Variants in DNAH14 observed in about 807,000 individuals in gnomAD.
The protein encoded by DNAH14 is axonemal beta dynein heavy chain 14.
A neutral mutation model predicts 520.9 loss-of-function variants in DNAH14; 478 were observed. The observed-to-expected ratio is 0.92, with a 90% CI of 0.85 to 0.99. The LOEUF is 0.99. Among genes scored for constraint, DNAH14 ranks in the 50% least tolerant of loss-of-function variants. DNAH14 has a pLI of 0.00. For synonymous variants in DNAH14, 1,581 were observed against 1,757.2 expected (o/e 0.90, Z 2.51); for missense variants, 4,831 against 5,234.5 (o/e 0.92, Z 2.38).
chr1:224,987,002 A>G (rs1030666892), intron 8 of DNAH14, among the ~76,000 whole-genome samples: 8 of 152,228 alleles, frequency 5.3e-5, no homozygotes, highest in African/African-American at 1.9e-4. Flanking sequence ...CAAAATGAAC[A>G]TACAAAAATC....
intron 34 of DNAH14, among the ~76,000 whole-genome samples, chr1:225,157,804 T>C (rs1264427326): frequency 1.3e-5 from 2 of 152,176 alleles, no homozygotes; most frequent in African/African-American, 4.8e-5. Context: ...ACTCTTGCCC[T>C]CTCTTTGCCA....
intron 1 of DNAH14, among the ~76,000 whole-genome samples, chr1:224,935,641 A>G (rs2058983034): frequency 6.6e-6 from 1 of 151,890 alleles, no homozygotes; most frequent in Non-Finnish European, 1.5e-5. Context: ...CCCCACTCTC[A>G]GTATTAGACA....
chr1:224,949,077 G>C (rs569316172), intron 1 of DNAH14, among the ~76,000 whole-genome samples: 1 of 151,836 alleles, frequency 6.6e-6, no homozygotes, highest in East Asian at 1.9e-4. Context: ...GATTTTATTT[G>C]CCTAGCAATG....
Position 225,377,310 on chromosome 1 carries a change from A to G in DNAH14, c.12590A>G (p.Asp4197Gly). The change falls in exon 79 of 86, where the codon GAC (aspartate) becomes GGC (glycine). Residue 4197 changes from aspartate to glycine, a missense_variant. Asp to Gly is a moderately conservative substitution (Grantham distance 94). Coordinates refer to ENST00000682510, the MANE Select transcript of DNAH14 (RefSeq NM_001367479.1). ...ATTATCCAGTCCTTACCTGATGATG[A>G]CCTTCCCGAGGTCTTAGGAATACAC... Reference protein sequence around the residue: ...IHIIQSLPDDDLPEVLGIHPE... With the variant: ...IHIIQSLPDDGLPEVLGIHPE... The G allele has an allele frequency of 6.5e-7, 1 of 1,550,096 alleles. No individual in the cohort carries two copies.
chr1:224,968,433 A>G (rs2291227), intron 6 of DNAH14, among the ~76,000 whole-genome samples: 8,380 of 152,228 alleles, frequency 0.055, 472 homozygotes, highest in East Asian at 0.24. Context: ...CATAAATACT[A>G]CTTTTATAGA....
At chr1:225,199,986 T>A (rs6701682) in intron 38 of DNAH14, among the ~76,000 whole-genome samples, 2 of 150,506 alleles carry the variant, frequency 1.3e-5, no homozygotes, top group African/African-American at 2.5e-5. Flanking sequence ...TAGGTCTATT[T>A]GTAATCATTT....
intron 10 of DNAH14, among the ~76,000 whole-genome samples, chr1:225,015,829 C>T (rs1318202409): frequency 1.3e-5 from 2 of 152,168 alleles, no homozygotes; most frequent in Non-Finnish European, 2.9e-5. Context: ...TGGGAAGCAA[C>T]AGCCTGGGCT....
chr1:225,367,258 T>C (rs2095565414), intron 76 of DNAH14, among the ~76,000 whole-genome samples: 1 of 152,154 alleles, frequency 6.6e-6, no homozygotes, highest in Non-Finnish European at 1.5e-5. Flanking sequence ...ATCATTTCCA[T>C]TATTCTAGTT....
chr1:225,103,715 G>A (rs28871966), intron 23 of DNAH14, among the ~76,000 whole-genome samples: 19,620 of 152,106 alleles, frequency 0.13, 3,897 homozygotes, highest in African/African-American at 0.43. Context: ...GTATAAGAAC[G>A]CTTGTGATTT....
chr1:225,367,884 A>G lies in DNAH14; in HGVS notation c.12170A>G (p.Glu4057Gly). ...FGCTGSGEVT[E>G]EIFENPDCGQ... ...TGTACTGGGAGTGGAGAGGTAACAGAAGAGATATTTGAAAATCCTGACTGT... is the reference window on the plus strand; with the variant it reads ...TGTACTGGGAGTGGAGAGGTAACAGGAGAGATATTTGAAAATCCTGACTGT... The change falls in exon 77 of 86, where the codon GAA becomes GGA. Residue 4057 changes from glutamate to glycine, a missense_variant. Glu to Gly is a moderately conservative substitution (Grantham distance 98, BLOSUM62 -2). Transcript: ENST00000682510. 1 of 1,551,668 alleles carries G rather than the reference A, an allele frequency of 6.4e-7. No homozygotes were observed. Among genetic ancestry groups the G allele is most frequent in the Non-Finnish European group, 8.7e-7 (1 of 1,146,932 alleles).
intron 7 of DNAH14, 42 bp from the exon 8 acceptor site, chr1:224,974,049 T>C: frequency 7.9e-7 from 1 of 1,272,584 alleles, no homozygotes; most frequent in Non-Finnish European, 1.1e-6. Flanking sequence ...TATAAATACG[T>C]GGTTTATGGA....
chr1:225,338,332 T>A, intron 68 of DNAH14, 150 bp downstream of exon 68: 1 of 1,009,192 alleles, frequency 9.9e-7, no homozygotes, highest in Non-Finnish European at 1.5e-6. Flanking sequence ...GTGTTGGCAG[T>A]AGTATTCATC....
chr1:225,273,574 T>C (rs868371217), intron 52 of DNAH14, among the ~76,000 whole-genome samples: 1 of 152,224 alleles, frequency 6.6e-6, no homozygotes, highest in Non-Finnish European at 1.5e-5. Flanking sequence ...TGAAAATGTC[T>C]AAAACTATAG....
In DNAH14 at chr1:225,079,374, T is replaced by C. The variant is rs1558886382; in HGVS notation, c.2592T>C (p.His864=). The stretch of plus-strand genomic sequence containing the variant: ...CTGTTGCAAAGCATCACCAGATCCA[T>C]ATTTCAGAAGAGCAAATTGCCATAT... The part of the protein sequence containing the change: ...LYSVAKHHQI[H]ISEEQIAIFQ... Residue 864 remains histidine (H), a synonymous_variant, in exon 18 of 86, where the codon CAT becomes CAC. Coordinates refer to ENST00000682510, the MANE Select transcript of DNAH14 (RefSeq NM_001367479.1). 1 of 1,550,850 alleles carries C rather than the reference T, an allele frequency of 6.4e-7. No homozygotes were observed. The highest frequency in any genetic ancestry group is 8.7e-7 in the Non-Finnish European group (1 of 1,146,770).
intron 23 of DNAH14, among the ~76,000 whole-genome samples, chr1:225,102,215 T>A (rs1158243965): frequency 6.6e-6 from 1 of 152,048 alleles, no homozygotes; most frequent in Non-Finnish European, 1.5e-5. Flanking sequence ...ACAAAGGACA[T>A]GAACTCATCA....
rs1322872154 is a variant in DNAH14 at position 225,318,566 on chromosome 1, C to G, written c.9241-17C>G. 2 of 1,535,398 alleles carry G rather than the reference C, an allele frequency of 1.3e-6. No individual in the cohort carries two copies. The highest frequency in any genetic ancestry group is 2.1e-5 in the Admixed American group (1 of 47,578). On this transcript the variant is annotated splice_polypyrimidine_tract_variant and intron_variant, in intron 60 of 85. Coordinates refer to ENST00000682510, the MANE Select transcript of DNAH14 (RefSeq NM_001367479.1). ...TATTGATTCATATGTGTTTGGGGAC[C>G]TATATTTTTATTGCAGAAAACTGCC...
At chr1:225,209,040 T>A (rs2087979208) in intron 41 of DNAH14, among the ~76,000 whole-genome samples, 3 of 152,310 alleles carry the variant, frequency 2.0e-5, no homozygotes, top group South Asian at 4.1e-4. Flanking sequence ...CATAGTTTTT[T>A]AAAAAAATTC....
intron 31 of DNAH14, among the ~76,000 whole-genome samples, chr1:225,149,898 C>G (rs765874164): frequency 2.6e-5 from 4 of 152,176 alleles, no homozygotes; most frequent in Non-Finnish European, 5.9e-5. Context: ...TAATTTCTTT[C>G]TCTTGCCTGA....
In DNAH14 at chr1:224,983,256, T is replaced by C. The variant is rs530390079; in HGVS notation, c.830+9103T>C. 2.0e-5 allele frequency among the ~76,000 whole-genome samples: 3 copies of C among 152,296 alleles called. No homozygotes were observed. The South Asian group carries it at 6.2e-4, about 32-fold the overall frequency. ...GCTTTAAAGTTTGTTTTGTCTGATA[T>C]AAGAATAGCTACCCCTGCTTGCTTT... On this transcript the variant is annotated intron_variant, in intron 8 of 85. Coordinates refer to ENST00000682510, the MANE Select transcript of DNAH14 (RefSeq NM_001367479.1).
Sources: allele counts gnomAD v4.1 joint callset (sites outside exome capture counted in the v4.1 genomes callset), GRCh38; gene constraint gnomAD v4.1.1; transcripts MANE v1.5; gene names NCBI Gene and HGNC (gene_info 2026-07-23, HGNC 2026-07-21).